Variants in TMPRSS9 observed in about 807,000 individuals in gnomAD.
TMPRSS9 encodes the protein transmembrane protease serine 9.
A neutral mutation model predicts 111.4 loss-of-function variants in TMPRSS9; 113 were observed. That is an observed-to-expected ratio of 1.01 (90% CI 0.87 to 1.19). The LOEUF (loss-of-function observed/expected upper bound fraction) is 1.19, where lower values mean the gene tolerates loss of function less well. TMPRSS9 is among the 50% of genes most tolerant of loss of function. The pLI, the probability that TMPRSS9 is intolerant of heterozygous loss-of-function variation, is 0.00. For synonymous variants in TMPRSS9, 805 were observed against 659.1 expected (o/e 1.22, Z -3.39); for missense variants, 1,803 against 1,513.1 (o/e 1.19, Z -3.18).
At chr19:2,373,041 T>C (rs529013455) in intron 1 of TMPRSS9, among the ~76,000 whole-genome samples, 15 of 152,058 alleles carry the variant, frequency 9.9e-5, no homozygotes, top group African/African-American at 3.6e-4. Context: ...GCCATGTTGC[T>C]CAGGCTGGTC....
At chr19:2,412,903 G>A (rs954583458) in intron 9 of TMPRSS9, among the ~76,000 whole-genome samples, 2 of 152,044 alleles carry the variant, frequency 1.3e-5, no homozygotes, top group African/African-American at 2.4e-5. Context: ...GTTTAAGAAT[G>A]TAAGAGTCGG....
At chr19:2,401,947 A>G in intron 4 of TMPRSS9, 28 bp from the exon 6 acceptor site, 2 of 1,601,070 alleles carry the variant, frequency 1.2e-6, no homozygotes, top group Non-Finnish European at 1.7e-6. Flanking sequence ...TTATTCAGTG[A>G]GCTTCTATCT....
chr19:2,396,564 C>G (rs752443958), exon 2 of TMPRSS9: 1 of 1,610,162 alleles, frequency 6.2e-7, no homozygotes, highest in Non-Finnish European at 8.5e-7. Context: ...AGGGCTTCCA[C>G]GTGGACCACA....
intron 1 of TMPRSS9, among the ~76,000 whole-genome samples, chr19:2,381,896 GCA>G (rs1401551004): frequency 6.6e-6 from 1 of 152,214 alleles, no homozygotes; most frequent in Non-Finnish European, 1.5e-5. Context: ...AGGCTTGAGT[GCA>G]GTGGCGCAAT....
chr19:2,375,800 T>C (rs1970329014), intron 1 of TMPRSS9, among the ~76,000 whole-genome samples: 1 of 152,042 alleles, frequency 6.6e-6, no homozygotes, highest in Non-Finnish European at 1.5e-5. Flanking sequence ...AAAAAACACA[T>C]ACCCTAGAAA....
intron 1 of TMPRSS9, among the ~76,000 whole-genome samples, chr19:2,374,485 G>T (rs529628450): frequency 1.3e-5 from 2 of 151,650 alleles, no homozygotes; most frequent in Non-Finnish European, 2.9e-5. Flanking sequence ...GAGGCTAGAG[G>T]ATTGCTTGAA....
At chr19:2,417,366 T>C (rs935111216) in intron 12 of TMPRSS9, among the ~76,000 whole-genome samples, 7 of 150,752 alleles carry the variant, frequency 4.6e-5, no homozygotes, top group African/African-American at 1.5e-4. Flanking sequence ...CTCGGGAGGC[T>C]GAGGCAGGAG....
chr19:2,385,096 C>T (rs915009910), upstream of TMPRSS9, among the ~76,000 whole-genome samples: 1 of 150,500 alleles, frequency 6.6e-6, no homozygotes, highest in Non-Finnish European at 1.5e-5. Context: ...ACCGTGGCTA[C>T]CTTGGCCCAT....
chr19:2,426,165 C>A, exon 18 of TMPRSS9: 1 of 1,532,706 alleles, frequency 6.5e-7, no homozygotes, highest in Non-Finnish European at 8.7e-7. Context: ...CCCACCCCAC[C>A]GTACCCTACC....
Position 2,413,857 on chromosome 19 carries a change from A to G in TMPRSS9, c.1412A>G (p.Lys471Arg), listed in dbSNP as rs769454036. Reference sequence around the variant, plus strand: ...GACTGGATCCTGGAGGCCACCACCAAAGCCAGCATGCCTCTGGCCCCCACC... The same window carrying G: ...GACTGGATCCTGGAGGCCACCACCAGAGCCAGCATGCCTCTGGCCCCCACC... Residue 471 changes from lysine to arginine, a missense_variant, in exon 10 of 18, where the codon AAA becomes AGA. By Grantham distance (26) the Lys-to-Arg change is conservative. Coordinates refer to ENST00000648592, the Ensembl canonical transcript of TMPRSS9. 1.9e-6 allele frequency: 3 copies of G among 1,613,692 alleles called. No homozygotes were observed. The South Asian group carries it at 3.3e-5, about 18-fold the overall frequency.
intron 2 of TMPRSS9, 52 bp from the exon 4 acceptor site, chr19:2,398,743 A>C: frequency 7.7e-7 from 1 of 1,304,956 alleles, no homozygotes. Flanking sequence ...CTGCAGTGCC[A>C]GGGTGCCCAT....
chr19:2,366,856 CAAAAAAA>C (rs769704683), intron 1 of TMPRSS9, among the ~76,000 whole-genome samples: 3 of 61,342 alleles, frequency 4.9e-5, no homozygotes, highest in Non-Finnish European at 6.8e-5. Context: ...GACTCCATTT[CAAAAAAA>C]AAAAAAAAAA....
At chr19:2,388,749 TGGCTAGGATTACA>T (rs995814766), upstream of TMPRSS9, among the ~76,000 whole-genome samples, 1 of 151,834 alleles carries the variant, frequency 6.6e-6, no homozygotes, top group Non-Finnish European at 1.5e-5. Flanking sequence ...GCCTCCTGAG[TGGCTAGGATTACA>T]GGCATGAGCC....
intron 4 of TMPRSS9, among the ~76,000 whole-genome samples, chr19:2,400,991 A>T (rs1425234674): frequency 3.8e-5 from 5 of 132,998 alleles, no homozygotes. Context: ...AAAAAAAAAA[A>T]TGGCCGGGCG....
intron 1 of TMPRSS9, among the ~76,000 whole-genome samples, chr19:2,361,154 GGGA>G: frequency 8.5e-6 from 1 of 117,000 alleles, no homozygotes; most frequent in African/African-American, 3.3e-5. Context: ...GGGCTGGGGT[GGGA>G]GGTGAGTCTG....
At chr19:2,385,003 A>G (rs942968035), upstream of TMPRSS9, among the ~76,000 whole-genome samples, 6 of 145,586 alleles carry the variant, frequency 4.1e-5, no homozygotes, top group African/African-American at 1.3e-4. Context: ...AAAAGAGAGA[A>G]AAGCCCAGGC....
chr19:2,399,106 C>T (rs1970772004), exon 4 of TMPRSS9: 13 of 1,613,616 alleles, frequency 8.1e-6, no homozygotes, highest in Non-Finnish European at 1.1e-5. Flanking sequence ...GGAGGAGGAG[C>T]TATTGCAGCG....
exon 18 of TMPRSS9, chr19:2,426,158 A>C (rs1599324642): frequency 4.6e-6 from 6 of 1,309,564 alleles, no homozygotes; most frequent in South Asian, 3.0e-5. Context: ...CCAACACCCC[A>C]CCCCACCGTA....
intron 14 of TMPRSS9, 30 bp downstream of exon 15, chr19:2,422,277 A>T: frequency 6.7e-7 from 1 of 1,492,682 alleles, no homozygotes; most frequent in Non-Finnish European, 8.9e-7. Flanking sequence ...GATCCCTGGG[A>T]GTGGAGGGTC....
Sources: gnomAD v4.1 joint callset for allele counts (sites outside exome capture counted in the v4.1 genomes callset) on GRCh38, gnomAD v4.1.1 for gene constraint, MANE v1.5 for transcripts, NCBI Gene and HGNC (gene_info 2026-07-23, HGNC 2026-07-21) for gene names.